PRSS35: variants seen among roughly 807,000 people sequenced by gnomAD.
PRSS35 encodes serine protease 35.
In PRSS35, 7 loss-of-function variants were observed where a neutral mutation model predicts 8.1. The observed-to-expected ratio is 0.86, with a 90% CI of 0.49 to 1.62. The LOEUF is 1.62. Ranked by LOEUF, PRSS35 falls within the 40% of genes most tolerant of loss-of-function variation. The pLI is 0.00. For missense variants in PRSS35, 566 were observed against 518.0 expected, an observed-to-expected ratio of 1.09 and a Z score of -0.90; for synonymous variants, 199 against 188.7, an observed-to-expected ratio of 1.05 and a Z score of -0.45.
At chr6:83,513,935 C>T (rs142628303) in intron 1 of PRSS35, among the ~76,000 whole-genome samples, 2 of 152,228 alleles carry the variant, frequency 1.3e-5, no homozygotes, top group East Asian at 1.9e-4. Flanking sequence ...TGCATTTTAA[C>T]AGTAGGATCA....
In PRSS35 at chr6:83,523,670, G is replaced by C; in HGVS notation, c.229G>C (p.Glu77Gln). ...QKELPTPSLS[E>Q]LEDYLSYETV... ...AGAACTCCCAACTCCCAGCCTTTCT[G>C]AATTGGAGGATTATCTTTCCTATGA... Residue 77 changes from glutamate to glutamine, a missense_variant, in exon 2 of 2, where the codon GAA (glutamate) becomes CAA (glutamine). Transcript: ENST00000369700. The C allele has an allele frequency of 1.2e-6, 2 of 1,614,172 alleles. No individual in the cohort carries two copies. The highest frequency in any genetic ancestry group is 1.7e-6 in the Non-Finnish European group (2 of 1,180,036).
chr6:83,518,002 C>T (rs973924768), intron 1 of PRSS35, among the ~76,000 whole-genome samples: 4 of 152,158 alleles, frequency 2.6e-5, no homozygotes, highest in Admixed American at 2.6e-4. Flanking sequence ...CTAGACATTA[C>T]AAGGAACCAG....
At chr6:83,520,929 C>G (rs1259439791) in intron 1 of PRSS35, among the ~76,000 whole-genome samples, 1 of 152,084 alleles carries the variant, frequency 6.6e-6, no homozygotes, top group African/African-American at 2.4e-5. Flanking sequence ...TCATTAGTAC[C>G]AAGCATTAAG....
At position 83,524,771 on chromosome 6, in the gene PRSS35, C is replaced by A; in HGVS notation, c.*88C>A. On this transcript the variant is annotated 3_prime_UTR_variant, in exon 2 of 2. Transcript: ENST00000369700. ...TAGTGAGATCACTTCATAGGTTATG[C>A]CTGGACTTGAACTCTGTCAATAGCA... 7.6e-7 allele frequency: 1 copy of A among 1,322,242 alleles called. No homozygotes were observed. The highest frequency in any genetic ancestry group is 1.0e-6 in the Non-Finnish European group (1 of 975,202). 81.9% of individuals were successfully genotyped at this position (1,322,242 alleles called of 1,614,324 possible).
chr6:83,515,242 G>T (rs1278758100), intron 1 of PRSS35, among the ~76,000 whole-genome samples: 1 of 152,196 alleles, frequency 6.6e-6, no homozygotes, highest in East Asian at 1.9e-4. Flanking sequence ...AGGACTATCA[G>T]AGAGATTCTT....
intron 1 of PRSS35, among the ~76,000 whole-genome samples, chr6:83,518,892 T>C (rs191769753): frequency 3.9e-5 from 6 of 151,930 alleles, no homozygotes; most frequent in South Asian, 4.1e-4. Flanking sequence ...TATAATATTA[T>C]CCCCACTTTG....
chr6:83,525,616 T>C lies in PRSS35; in HGVS notation c.*933T>C, dbSNP rs1771925718. ...TCTCCTTGACAAAATCCAGCTTTTG[T>C]ATGAGGACTATAGGGTGAATTCTCT... On this transcript the variant is annotated 3_prime_UTR_variant, in exon 2 of 2. Transcript: ENST00000369700. 6.0e-6 allele frequency: 1 copy of C among 167,104 alleles called. No homozygotes were observed. Among genetic ancestry groups the C allele is most frequent in the South Asian group, 2.1e-4 (1 of 4,830 alleles). The allele number at this position is 167,104 out of a possible 1,614,324, so 10.4% of individuals were successfully genotyped here. A position where few individuals can be genotyped will look rare whatever the true frequency, so the allele number is the denominator to read the frequency against.
At chr6:83,519,594 C>T (rs372754947) in intron 1 of PRSS35, among the ~76,000 whole-genome samples, 1 of 152,200 alleles carries the variant, frequency 6.6e-6, no homozygotes, top group Non-Finnish European at 1.5e-5. Flanking sequence ...ATCATTTATG[C>T]CACATTGACA....
At chr6:83,517,830 A>C (rs996610376) in intron 1 of PRSS35, among the ~76,000 whole-genome samples, 2 of 152,198 alleles carry the variant, frequency 1.3e-5, no homozygotes, top group African/African-American at 4.8e-5. Context: ...GTGTGTACTA[A>C]CATACACACT....
chr6:83,516,566 A>G (rs1327571198), intron 1 of PRSS35, among the ~76,000 whole-genome samples: 1 of 123,170 alleles, frequency 8.1e-6, no homozygotes, highest in African/African-American at 3.2e-5. Flanking sequence ...ACTGAGAGAG[A>G]CTGCGTCTCA....
At chr6:83,520,605 T>G (rs1771803793) in intron 1 of PRSS35, among the ~76,000 whole-genome samples, 1 of 152,172 alleles carries the variant, frequency 6.6e-6, no homozygotes, top group African/African-American at 2.4e-5. Context: ...CATGCCTATA[T>G]CATTGGTATT....
chr6:83,520,212 T>C (rs1473940735), intron 1 of PRSS35, among the ~76,000 whole-genome samples: 1 of 152,198 alleles, frequency 6.6e-6, no homozygotes, highest in Non-Finnish European at 1.5e-5. Flanking sequence ...GAAGCAGATG[T>C]CATTTAAAAC....
In PRSS35 at chr6:83,524,109, T is replaced by C. The variant is rs1771879281; in HGVS notation, c.668T>C (p.Leu223Pro). Residue 223 changes from leucine to proline, a missense_variant, in exon 2 of 2, where the codon CTG (leucine) becomes CCG (proline). Physicochemically the swap from Leu to Pro is moderately conservative, Grantham distance 98. Transcript: ENST00000369700. The part of the protein sequence containing the change: ...GDQREGTREH[L>P]RERAKGGRRR... The stretch of plus-strand genomic sequence containing the variant: ...CAAAGAGAGGGTACCAGAGAGCATC[T>C]GCGGGAGAGAGCGAAGGGTGGGAGA... 2 of 1,613,786 alleles carry C rather than the reference T, an allele frequency of 1.2e-6. No individual in the cohort carries two copies. Among genetic ancestry groups the C allele is most frequent in the Non-Finnish European group, 1.7e-6 (2 of 1,179,920 alleles).
intron 1 of PRSS35, among the ~76,000 whole-genome samples, chr6:83,517,050 C>A (rs964036592): frequency 6.6e-6 from 1 of 152,104 alleles, no homozygotes; most frequent in African/African-American, 2.4e-5. Flanking sequence ...TGTTGGCTCC[C>A]CCTGTTTGAT....
At chr6:83,513,441 C>T (rs952575831) in intron 1 of PRSS35, among the ~76,000 whole-genome samples, 1 of 152,194 alleles carries the variant, frequency 6.6e-6, no homozygotes, top group Non-Finnish European at 1.5e-5. Context: ...GTCTAGGGGG[C>T]TTTCACCCCT....
At chr6:83,515,276 T>C (rs144981344) in intron 1 of PRSS35, among the ~76,000 whole-genome samples, 1 of 152,316 alleles carries the variant, frequency 6.6e-6, no homozygotes, top group Non-Finnish European at 1.5e-5. Context: ...TCGAAATGCA[T>C]GGCGGAGTTA....
intron 1 of PRSS35, among the ~76,000 whole-genome samples, chr6:83,521,653 T>C (rs901135963): frequency 1.3e-5 from 2 of 151,810 alleles, no homozygotes; most frequent in Admixed American, 1.3e-4. Context: ...TGTGCCACCA[T>C]GCCTGACTAA....
intron 1 of PRSS35, among the ~76,000 whole-genome samples, chr6:83,521,133 T>A: frequency 6.6e-6 from 1 of 152,192 alleles, no homozygotes; most frequent in East Asian, 1.9e-4. Flanking sequence ...TCAAGTAGAT[T>A]TAAAAATATA....
chr6:83,522,102 T>C (rs1330288461), intron 1 of PRSS35, among the ~76,000 whole-genome samples: 5 of 152,046 alleles, frequency 3.3e-5, no homozygotes, highest in Non-Finnish European at 5.9e-5. Flanking sequence ...TTCTTTTCCA[T>C]GCAAAAAAGA....
Sources: gnomAD v4.1 joint callset for allele counts (sites outside exome capture counted in the v4.1 genomes callset) on GRCh38, gnomAD v4.1.1 for gene constraint, MANE v1.5 for transcripts, NCBI Gene and HGNC (gene_info 2026-07-23, HGNC 2026-07-21) for gene names.